Variants in CCDC7 observed in about 807,000 individuals in gnomAD.
The protein encoded by CCDC7 is coiled-coil domain containing 7.
In CCDC7, 183 loss-of-function variants were observed where a neutral mutation model predicts 196.9. The ratio of observed to expected loss-of-function variants is 0.93; its 90% CI spans 0.82 to 1.05. The LOEUF (loss-of-function observed/expected upper bound fraction) is 1.05, where lower values mean the gene tolerates loss of function less well. Ranked by LOEUF, CCDC7 falls within the 50% of genes least tolerant of loss-of-function variation. CCDC7 has a pLI of 0.00. For synonymous variants in CCDC7, 525 were observed against 484.6 expected, an observed-to-expected ratio of 1.08 and a Z score of -1.10; for missense variants, 1,540 against 1,482.2, an observed-to-expected ratio of 1.04 and a Z score of -0.64.
intron 28 of CCDC7, among the ~76,000 whole-genome samples, chr10:32,770,109 T>A (rs2504339): frequency 0.92 from 140,450 of 152,184 alleles, 65,813 homozygotes; most frequent in East Asian, 1. Flanking sequence ...TTAAGTCTCA[T>A]TTTCATTTAG....
chr10:32,849,392 C>A (rs1201220834), intron 39 of CCDC7, among the ~76,000 whole-genome samples: 1 of 151,678 alleles, frequency 6.6e-6, no homozygotes, highest in Non-Finnish European at 1.5e-5. Flanking sequence ...TAAATAGAAA[C>A]TTTACTGGTT....
At chr10:32,871,469 C>T (rs547420511) in intron 41 of CCDC7, among the ~76,000 whole-genome samples, 9 of 151,032 alleles carry the variant, frequency 6.0e-5, no homozygotes, top group South Asian at 2.1e-4. Flanking sequence ...TTTTTTATTG[C>T]GTCTATTTGA....
intron 5 of CCDC7, among the ~76,000 whole-genome samples, chr10:32,467,332 G>A (rs111987624): frequency 0.018 from 2,660 of 150,662 alleles, 82 homozygotes; most frequent in African/African-American, 0.062. Context: ...GGCTGGTCTC[G>A]AACTCCTGAT....
chr10:32,619,081 GA>G (rs2063094417), intron 18 of CCDC7, among the ~76,000 whole-genome samples: 1 of 151,348 alleles, frequency 6.6e-6, no homozygotes, highest in Non-Finnish European at 1.5e-5. Flanking sequence ...TTTTGTTCTA[GA>G]ATTTCTGCTT....
At chr10:32,527,083 G>A (rs996660696) in intron 11 of CCDC7, among the ~76,000 whole-genome samples, 2 of 152,050 alleles carry the variant, frequency 1.3e-5, no homozygotes. Context: ...ACTCAAGCTC[G>A]GCCACTAGTA....
chr10:32,648,865 C>T (rs1021257414), intron 20 of CCDC7, among the ~76,000 whole-genome samples: 3 of 151,828 alleles, frequency 2.0e-5, no homozygotes, highest in Non-Finnish European at 2.9e-5. Context: ...TGTTTTATGT[C>T]GTTACAGCAC....
chr10:32,869,612 T>C (rs2094347001), intron 41 of CCDC7, among the ~76,000 whole-genome samples: 1 of 152,164 alleles, frequency 6.6e-6, no homozygotes, highest in South Asian at 2.1e-4. Context: ...CCATTGCTTT[T>C]GGTGTTTTAG....
In CCDC7 at chr10:32,549,415, T is replaced by G. The variant is rs1259259759; in HGVS notation, c.1134+5114T>G. On this transcript the variant is annotated intron_variant, in intron 13 of 41. Transcript: ENST00000639629. ...TTTGCCGTGCAAAAGCTTTTTAGTT[T>G]AATTAGGTCCCAGATATTTATTTTC... 2.6e-5 allele frequency among the ~76,000 whole-genome samples: 4 copies of G among 152,332 alleles called. No homozygotes were observed. In the East Asian group the frequency reaches 7.7e-4, roughly 29 times the overall value.
At chr10:32,848,827 A>G (rs980963660) in intron 39 of CCDC7, 109 bp downstream of exon 40, 3 of 915,148 alleles carry the variant, frequency 3.3e-6, no homozygotes, top group African/African-American at 3.4e-5. Flanking sequence ...TTTCAGAAAT[A>G]TCTTAGGAAA....
chr10:32,504,466 T>C (rs1028727566), intron 9 of CCDC7, among the ~76,000 whole-genome samples: 2 of 152,334 alleles, frequency 1.3e-5, no homozygotes, highest in East Asian at 1.9e-4. Context: ...CTTAATTTGT[T>C]ATTTTTCTCG....
chr10:32,612,880 G>C (rs536777697), intron 18 of CCDC7, among the ~76,000 whole-genome samples: 2,860 of 144,772 alleles, frequency 0.02, 97 homozygotes, highest in African/African-American at 0.068. Context: ...AATTTTCTTT[G>C]TTTTTTTTTT....
intron 28 of CCDC7, among the ~76,000 whole-genome samples, chr10:32,732,433 C>T (rs911442259): frequency 2.0e-5 from 3 of 152,104 alleles, no homozygotes; most frequent in East Asian, 3.9e-4. Flanking sequence ...TCTCCATTGT[C>T]GTTGATTAAT....
chr10:32,866,975 A>G (rs2094221842), intron 41 of CCDC7, among the ~76,000 whole-genome samples: 1 of 151,732 alleles, frequency 6.6e-6, no homozygotes. Context: ...GTATAACCTG[A>G]AAGTAACCAT....
intron 26 of CCDC7, among the ~76,000 whole-genome samples, 178 bp downstream of exon 27, chr10:32,727,010 GT>G (rs1480633850): frequency 6.6e-6 from 1 of 152,092 alleles, no homozygotes; most frequent in Non-Finnish European, 1.5e-5. Context: ...TCATGTTGGA[GT>G]TTCTGGTCAT....
chr10:32,541,467 C>A (rs1030955790), intron 11 of CCDC7, among the ~76,000 whole-genome samples: 1 of 152,130 alleles, frequency 6.6e-6, no homozygotes, highest in Non-Finnish European at 1.5e-5. Flanking sequence ...CACACAAGAG[C>A]AGGACTGCTG....
At chr10:32,485,442 T>G (rs1227650808) in intron 8 of CCDC7, among the ~76,000 whole-genome samples, 1 of 152,134 alleles carries the variant, frequency 6.6e-6, no homozygotes, top group Non-Finnish European at 1.5e-5. Flanking sequence ...TTTCAAAAAA[T>G]CAGCTCCTGG....
chr10:32,453,606 C>T (rs1588687659), intron 2 of CCDC7, among the ~76,000 whole-genome samples, 170 bp downstream of exon 3: 1 of 152,116 alleles, frequency 6.6e-6, no homozygotes, highest in South Asian at 2.1e-4. Flanking sequence ...CCAACCAAAT[C>T]CCTCTTGACC....
intron 21 of CCDC7, among the ~76,000 whole-genome samples, 160 bp downstream of exon 22, chr10:32,664,321 A>G (rs1199056761): frequency 1.3e-5 from 2 of 152,078 alleles, no homozygotes; most frequent in East Asian, 3.8e-4. Flanking sequence ...GGAAAATAAA[A>G]TCAAGCTATT....
At chr10:32,487,532 C>T (rs555305960) in intron 8 of CCDC7, among the ~76,000 whole-genome samples, 5 of 152,356 alleles carry the variant, frequency 3.3e-5, no homozygotes, top group African/African-American at 1.2e-4. Flanking sequence ...TGGTGAGGAG[C>T]TGCGTTCCTT....
Sources: allele counts gnomAD v4.1 joint callset (sites outside exome capture counted in the v4.1 genomes callset), GRCh38; gene constraint gnomAD v4.1.1; transcripts MANE v1.5; gene names NCBI Gene and HGNC (gene_info 2026-07-23, HGNC 2026-07-21).